HEATR3: variants seen among roughly 807,000 people sequenced by gnomAD.
The protein encoded by HEATR3 is HEAT repeat-containing protein 3.
A neutral mutation model predicts 72.8 loss-of-function variants in HEATR3; 56 were observed. The observed-to-expected ratio is 0.77, with a 90% CI of 0.62 to 0.96. HEATR3 has a LOEUF of 0.96. HEATR3 is among the 40% of genes least tolerant of loss of function. The pLI, the probability that HEATR3 is intolerant of heterozygous loss-of-function variation, is 0.00. For missense variants in HEATR3, 747 were observed against 831.4 expected (o/e 0.90, Z 1.25); for synonymous variants, 331 against 318.1 (o/e 1.04, Z -0.43).
At chr16:50,068,734 T>C (rs1306976131) in intron 2 of HEATR3, 46 bp from the exon 3 acceptor site, 3 of 1,387,280 alleles carry the variant, frequency 2.2e-6, no homozygotes, top group Non-Finnish European at 2.1e-6. Flanking sequence ...AAGTGTTCTG[T>C]GACATGTGAT....
Position 50,084,565 on chromosome 16 carries a change from C to G in HEATR3, c.1291-4C>G. On this transcript the variant is annotated splice_polypyrimidine_tract_variant and splice_region_variant and intron_variant, in intron 9 of 14. Coordinates refer to ENST00000299192, the MANE Select transcript of HEATR3 (RefSeq NM_182922.4). ...CTTTGCTTTACTGCCTCTTTTAAATCTAGATTTTTGAGAAAACTGCCTTTC... is the reference window on the plus strand; with the variant it reads ...CTTTGCTTTACTGCCTCTTTTAAATGTAGATTTTTGAGAAAACTGCCTTTC... 1.9e-6 allele frequency: 3 copies of G among 1,605,932 alleles called. No homozygotes were observed. Among genetic ancestry groups the G allele is most frequent in the Middle Eastern group, 1.7e-4 (1 of 6,052 alleles).
chr16:50,070,936 A>AAAGAC (rs2036597738), intron 4 of HEATR3, among the ~76,000 whole-genome samples: 16 of 152,248 alleles, frequency 1.1e-4, no homozygotes, highest in Admixed American at 2.0e-4. Flanking sequence ...TCAGTCCCAC[A>AAAGAC]TGCAGGTGCA....
intron 4 of HEATR3, 52 bp downstream of exon 4, chr16:50,070,342 A>G (rs755002313): frequency 2.0e-5 from 18 of 881,026 alleles, no homozygotes; most frequent in Admixed American, 9.5e-5. Context: ...CCAGGCTGCT[A>G]TTCTCTGTTA....
intron 13 of HEATR3, among the ~76,000 whole-genome samples, chr16:50,101,271 A>T (rs576802014): frequency 1.3e-5 from 2 of 151,924 alleles, no homozygotes; most frequent in South Asian, 4.2e-4. Flanking sequence ...GCCCACTACC[A>T]CACCTGGCTA....
At chr16:50,079,077 G>A (rs1408789784) in intron 7 of HEATR3, 59 bp downstream of exon 7, 2 of 1,501,782 alleles carry the variant, frequency 1.3e-6, no homozygotes, top group Admixed American at 2.1e-5. Context: ...TTTTCCAGCA[G>A]TTATCCTTGG....
At chr16:50,091,626 G>A (rs1300255995) in intron 11 of HEATR3, among the ~76,000 whole-genome samples, 1 of 152,120 alleles carries the variant, frequency 6.6e-6, no homozygotes, top group African/African-American at 2.4e-5. Context: ...TGTAATCCCA[G>A]CATTCTGGGG....
At chr16:50,079,118 C>A in intron 7 of HEATR3, 100 bp downstream of exon 7, 1 of 1,186,630 alleles carries the variant, frequency 8.4e-7, no homozygotes, top group Non-Finnish European at 1.2e-6. Flanking sequence ...GCAAAATTAG[C>A]TATAAAGTGC....
In HEATR3 at chr16:50,100,357, C is replaced by T. The variant is rs1389859769; in HGVS notation, c.1727C>T (p.Thr576Ile). The T allele has an allele frequency of 6.2e-7, 1 of 1,614,010 alleles. No individual in the cohort carries two copies. Among genetic ancestry groups the T allele is most frequent in the Admixed American group, 1.7e-5 (1 of 60,006 alleles). Residue 576 changes from threonine (T) to isoleucine (I), a missense_variant, in exon 13 of 15, where the codon ACA becomes ATA. By Grantham distance (89) the Thr-to-Ile change is moderately conservative. Around this residue, in one of 2 missense-constraint regions of HEATR3, gnomAD observed 586 missense variants for 708.8 expected, o/e 0.83. Coordinates refer to ENST00000299192, the MANE Select transcript of HEATR3 (RefSeq NM_182922.4). Reference protein sequence around the residue: ...TGSVLAKEDGTLETLKNIGCF... With the variant: ...TGSVLAKEDGILETLKNIGCF... ...AGCGTCCTTGCCAAAGAAGATGGTA[C>T]ACTTGAAACTCTTAAGGTAAAACAA...
Position 50,104,945 on chromosome 16 carries a change from A to G in HEATR3, c.1927A>G (p.Lys643Glu). 1 of 1,581,818 alleles carries G rather than the reference A, an allele frequency of 6.3e-7. No homozygotes were observed. Among genetic ancestry groups the G allele is most frequent in the African/African-American group, 1.4e-5 (1 of 73,010 alleles). ...FQPVFKMKIRKEGRGNYSTDQ... is the reference protein window; with the variant it reads ...FQPVFKMKIREEGRGNYSTDQ... ...TTTTGTTTTTTGTTTGCAGATACGTAAAGAAGGGAGAGGTAACTATAGCAC... is the reference window on the plus strand; with the variant it reads ...TTTTGTTTTTTGTTTGCAGATACGTGAAGAAGGGAGAGGTAACTATAGCAC... The change falls in exon 15 of 15, where the codon AAA becomes GAA. Residue 643 changes from lysine (K) to glutamate (E), a missense_variant. Lys to Glu is a moderately conservative substitution (Grantham distance 56). Transcript: ENST00000299192.
intron 11 of HEATR3, among the ~76,000 whole-genome samples, chr16:50,088,367 TG>T (rs1345680244): frequency 4.3e-4 from 65 of 152,312 alleles, no homozygotes; most frequent in African/African-American, 1.4e-3. Flanking sequence ...CTTTCAACAT[TG>T]ATCAGTTAAC....
At position 50,106,292 on chromosome 16, in the gene HEATR3, G is replaced by C. The variant is rs924260009; in HGVS notation, c.*1231G>C. ...TGCCATCCTCCCTACTCATGACTTT[G>C]ATGAGTTATTGCTGTAACATCACTT... On this transcript the variant is annotated 3_prime_UTR_variant, in exon 15 of 15. Coordinates refer to ENST00000299192, the MANE Select transcript of HEATR3 (RefSeq NM_182922.4). 4.6e-5 allele frequency: 7 copies of C among 152,110 alleles called. No homozygotes were observed. The highest frequency in any genetic ancestry group is 2.9e-5 in the Non-Finnish European group (2 of 68,028). 9.4% of individuals were successfully genotyped at this position (152,110 alleles called of 1,614,324 possible).
intron 14 of HEATR3, among the ~76,000 whole-genome samples, chr16:50,103,898 C>T (rs1339354775): frequency 6.6e-6 from 1 of 152,080 alleles, no homozygotes; most frequent in Non-Finnish European, 1.5e-5. Flanking sequence ...TAAGTGGTGG[C>T]TCATGCCTGT....
intron 11 of HEATR3, among the ~76,000 whole-genome samples, chr16:50,089,210 ACAT>A (rs2037053853): frequency 6.6e-6 from 1 of 152,070 alleles, no homozygotes; most frequent in South Asian, 2.1e-4. Context: ...TCTATTCTTG[ACAT>A]CATCTTTTTT....
intron 2 of HEATR3, 147 bp from the exon 3 acceptor site, chr16:50,068,633 T>C: frequency 1.6e-6 from 1 of 632,342 alleles, no homozygotes; most frequent in Non-Finnish European, 2.8e-6. Flanking sequence ...TGGAAATCTC[T>C]GGATTGGTTC....
chr16:50,092,530 G>A (rs1311024899), intron 11 of HEATR3, among the ~76,000 whole-genome samples: 3 of 143,198 alleles, frequency 2.1e-5, no homozygotes, highest in African/African-American at 7.8e-5. Context: ...TCCGCCTCCC[G>A]GGTTCATGCC....
chr16:50,084,480 A>G, intron 9 of HEATR3, 89 bp from the exon 10 acceptor site: 2 of 1,145,254 alleles, frequency 1.7e-6, no homozygotes, highest in South Asian at 1.3e-5. Context: ...TAACCATTTC[A>G]CTTAGGAGTA....
Position 50,104,993 on chromosome 16 carries a change from A to G in HEATR3, c.1975A>G (p.Asn659Asp), listed in dbSNP as rs2037451033. The change falls in exon 15 of 15, where the codon AAT becomes GAT. Residue 659 changes from asparagine (N) to aspartate (D), a missense_variant. By Grantham distance (23) the Asn-to-Asp change is conservative. This residue lies in a region of HEATR3 where 586 missense variants were observed against 708.8 expected (regional missense o/e 0.83). Transcript: ENST00000299192. ...CACAGATCAGCTGTGTGTTCTTGAC[A>G]ATGTGAAAATGAATTTGCGAAGATT... ...YSTDQLCVLDNVKMNLRRFIA... is the reference protein window; with the variant it reads ...YSTDQLCVLDDVKMNLRRFIA... 6.2e-7 allele frequency: 1 copy of G among 1,613,186 alleles called. No individual in the cohort carries two copies. The highest frequency in any genetic ancestry group is 1.1e-5 in the South Asian group (1 of 90,802).
chr16:50,078,593 A>T, intron 6 of HEATR3, 148 bp from the exon 7 acceptor site: 1 of 738,968 alleles, frequency 1.4e-6, no homozygotes, highest in Non-Finnish European at 2.2e-6. Context: ...TGCAGAACTC[A>T]TTGATATTTA....
At chr16:50,097,319 T>C (rs921266857) in intron 12 of HEATR3, among the ~76,000 whole-genome samples, 5 of 139,184 alleles carry the variant, frequency 3.6e-5, no homozygotes, top group Non-Finnish European at 7.6e-5. Context: ...CTTTTCTTTT[T>C]TTTTTTTTTA....
Sources: gnomAD v4.1 joint callset for allele counts (sites outside exome capture counted in the v4.1 genomes callset) on GRCh38, gnomAD v4.1.1 for gene constraint, gnomAD v4.1.1 regional missense constraint, MANE v1.5 for transcripts, NCBI Gene and HGNC (gene_info 2026-07-23, HGNC 2026-07-21) for gene names.